Variants in WDR64 observed in about 807,000 individuals in gnomAD.
WDR64 encodes the protein WD repeat-containing protein 64.
WDR64 carries 112 observed loss-of-function variants against 139.3 expected under a neutral mutation model. The observed-to-expected ratio is 0.80, with a 90% confidence interval of 0.69 to 0.94. The LOEUF is 0.94. WDR64 is among the 40% of genes least tolerant of loss of function. WDR64 has a pLI of 0.00. For synonymous variants in WDR64, 444 were observed against 437.7 expected, an observed-to-expected ratio of 1.01 and a Z score of -0.18; for missense variants, 1,206 against 1,293.1, an observed-to-expected ratio of 0.93 and a Z score of 1.03.
In WDR64 at chr1:241,683,716, C is replaced by T. The variant is rs10802979; in HGVS notation, c.839+15C>T. On this transcript the variant is annotated intron_variant, in intron 7 of 27. Transcript: ENST00000437684. ...AACTTTAAAAGGTAAGAGTATCATA[C>T]AGTTAATTTAATTCTTTTAATAATT... 1,165,890 of 1,514,876 alleles carry T rather than the reference C, an allele frequency of 0.77. 449,795 individuals are homozygous for T. Among genetic ancestry groups the T allele is most frequent in the Non-Finnish European group, 0.78 (880,980 of 1,122,990 alleles). 93.8% of individuals were successfully genotyped at this position (1,514,876 alleles called of 1,614,324 possible). A position where few individuals can be genotyped will look rare whatever the true frequency, so the allele number is the denominator to read the frequency against.
chr1:241,704,258 G>C (rs1315691076), intron 8 of WDR64, among the ~76,000 whole-genome samples: 2 of 152,062 alleles, frequency 1.3e-5, no homozygotes, highest in African/African-American at 4.8e-5. Context: ...TGGTGGACCT[G>C]GGCTCAAGTC....
In WDR64 at chr1:241,652,398, G is replaced by A. The variant is rs894470818; in HGVS notation, c.-87G>A. Reference sequence around the variant, plus strand: ...CTAGGGCAAAAACTGAGACAGCAGGGAGGCACTGTAACAACTGGAAAGTTT... The same window carrying A: ...CTAGGGCAAAAACTGAGACAGCAGGAAGGCACTGTAACAACTGGAAAGTTT... On this transcript the variant is annotated 5_prime_UTR_variant, in exon 1 of 28. Coordinates refer to ENST00000437684, the MANE Select transcript of WDR64 (RefSeq NM_001367482.1). 7.3e-6 allele frequency: 10 copies of A among 1,369,864 alleles called. No individual in the cohort carries two copies. The African/African-American group carries it at 1.0e-4, about 14-fold the overall frequency. 84.9% of individuals were successfully genotyped at this position (1,369,864 alleles called of 1,614,324 possible). A position where few individuals can be genotyped will look rare whatever the true frequency, so the allele number is the denominator to read the frequency against.
chr1:241,786,506 T>A (rs143867767), intron 23 of WDR64, among the ~76,000 whole-genome samples: 16 of 152,280 alleles, frequency 1.1e-4, no homozygotes, highest in Non-Finnish European at 2.1e-4. Flanking sequence ...CCTCTTGGAG[T>A]GAAGTGATAG....
At chr1:241,801,062 C>T (rs1435911555) in intron 27 of WDR64, 70 bp from the exon 28 acceptor site, 19 of 1,300,846 alleles carry the variant, frequency 1.5e-5, no homozygotes, top group Middle Eastern at 1.8e-4. Flanking sequence ...TAGCAATACA[C>T]CTTGACTCTG....
rs1266907281 is a variant in WDR64 at position 241,652,602 on chromosome 1, A to G, written c.118A>G (p.Arg40Gly). Reference protein sequence around the residue: ...EQTAAQKRDERAGLFIHKEDA... With the variant: ...EQTAAQKRDEGAGLFIHKEDA... ...AACAGCAGCCCAGAAAAGAGATGAA[A>G]GAGCAGGCTTATTTATCCATAAAGA... The change falls in exon 1 of 28, where the codon AGA becomes GGA. Residue 40 changes from arginine to glycine, a missense_variant. Physicochemically the swap from Arg to Gly is moderately radical, Grantham distance 125. Transcript: ENST00000437684. The G allele has an allele frequency of 6.4e-7, 1 of 1,551,830 alleles. No individual in the cohort carries two copies. Among genetic ancestry groups the G allele is most frequent in the Non-Finnish European group, 8.7e-7 (1 of 1,147,028 alleles).
intron 26 of WDR64, 109 bp from the exon 27 acceptor site, chr1:241,796,148 G>A (rs1379067838): frequency 3.8e-6 from 2 of 532,022 alleles, no homozygotes; most frequent in Non-Finnish European, 6.6e-6. Context: ...GAAGGGGGGT[G>A]TGTATTTTGA....
At chr1:241,673,735 A>G (rs1443097776) in intron 3 of WDR64, among the ~76,000 whole-genome samples, 1 of 152,200 alleles carries the variant, frequency 6.6e-6, no homozygotes, top group Non-Finnish European at 1.5e-5. Flanking sequence ...GTTTGCAATT[A>G]TAAAAATTAA....
chr1:241,675,085 T>TC (rs1666460476), intron 4 of WDR64, among the ~76,000 whole-genome samples: 1 of 17,682 alleles, frequency 5.7e-5, no homozygotes, highest in African/African-American at 3.7e-4. Flanking sequence ...CTCCCTCCCT[T>TC]CATCCTTCCT....
At chr1:241,708,692 G>T (rs1382261470) in intron 8 of WDR64, among the ~76,000 whole-genome samples, 1 of 59,908 alleles carries the variant, frequency 1.7e-5, no homozygotes, top group Non-Finnish European at 3.4e-5. Context: ...GAGGTCCATG[G>T]TTTTTTTTTT....
intron 7 of WDR64, among the ~76,000 whole-genome samples, chr1:241,686,253 C>T (rs1002653093): frequency 1.3e-5 from 2 of 152,170 alleles, no homozygotes; most frequent in South Asian, 4.1e-4. Context: ...TACAAGTTTT[C>T]CTGCAGCTGA....
At chr1:241,661,281 A>C (rs1157111852) in intron 2 of WDR64, among the ~76,000 whole-genome samples, 1 of 152,002 alleles carries the variant, frequency 6.6e-6, no homozygotes, top group East Asian at 1.9e-4. Context: ...ACACAGGAAA[A>C]ATACATCTCT....
chr1:241,783,136 A>C, intron 22 of WDR64, 136 bp from the exon 23 acceptor site: 2 of 709,910 alleles, frequency 2.8e-6, no homozygotes, highest in Non-Finnish European at 4.6e-6. Context: ...ATTGGGGGCA[A>C]GGACTTAATC....
At chr1:241,711,948 G>A (rs878965013) in intron 9 of WDR64, 67 bp downstream of exon 9, 1 of 1,478,770 alleles carries the variant, frequency 6.8e-7, no homozygotes, top group Non-Finnish European at 9.4e-7. Context: ...TCGAGTTTTG[G>A]TGCTAGGAAG....
At chr1:241,669,073 G>T (rs150958142) in intron 2 of WDR64, among the ~76,000 whole-genome samples, 128 of 152,248 alleles carry the variant, frequency 8.4e-4, no homozygotes, top group African/African-American at 2.9e-3. Context: ...ACTGCAAAAT[G>T]CTCATTTTGA....
intron 21 of WDR64, among the ~76,000 whole-genome samples, chr1:241,775,902 T>A (rs1658641390): frequency 6.6e-6 from 1 of 152,128 alleles, no homozygotes; most frequent in African/African-American, 2.4e-5. Context: ...TTTCACTTTC[T>A]CTTTTCTCCA....
In WDR64 at chr1:241,776,314, T is replaced by G. The variant is rs1211996352; in HGVS notation, c.2536+1104T>G. ...GGCTGGTCTTGAACTCCTGACCTCGTGTGATCTGCCCACCTCAGCTTCCCA... is the reference window on the plus strand; with the variant it reads ...GGCTGGTCTTGAACTCCTGACCTCGGGTGATCTGCCCACCTCAGCTTCCCA... On this transcript the variant is annotated intron_variant, in intron 21 of 27. Coordinates refer to ENST00000437684, the MANE Select transcript of WDR64 (RefSeq NM_001367482.1). Among the ~76,000 whole-genome samples the G allele has an allele frequency of 7.2e-5, 11 of 152,122 alleles. No homozygotes were observed. In the East Asian group the frequency reaches 1.9e-3, roughly 27 times the overall value.
intron 10 of WDR64, among the ~76,000 whole-genome samples, chr1:241,726,594 T>C (rs72768095): frequency 0.098 from 14,936 of 152,154 alleles, 927 homozygotes; most frequent in Admixed American, 0.18. Context: ...TTTGATTAAG[T>C]AAATTATGCT....
intron 21 of WDR64, among the ~76,000 whole-genome samples, chr1:241,779,625 A>C (rs1220759685): frequency 6.6e-6 from 1 of 152,178 alleles, no homozygotes; most frequent in Non-Finnish European, 1.5e-5. Context: ...CAGGAGTTCA[A>C]GACCAGCTTG....
chr1:241,681,585 A>T (rs1666792783), intron 6 of WDR64, among the ~76,000 whole-genome samples: 2 of 152,126 alleles, frequency 1.3e-5, no homozygotes, highest in Non-Finnish European at 2.9e-5. Flanking sequence ...TATAAACATG[A>T]GTGAGCGAGT....
Sources: gnomAD v4.1 joint callset for allele counts (sites outside exome capture counted in the v4.1 genomes callset) on GRCh38, gnomAD v4.1.1 for gene constraint, MANE v1.5 for transcripts, NCBI Gene and HGNC (gene_info 2026-07-23, HGNC 2026-07-21) for gene names.